The following RAB5A variants were observed in gnomAD, a reference collection of about 807,000 sequenced individuals.
The protein encoded by RAB5A is RAB5A, member RAS oncogene family, also known as ras-related protein Rab-5A.
RAB5A carries 8 observed loss-of-function variants against 25.7 expected under a neutral mutation model. That is an observed-to-expected ratio of 0.31 (90% CI 0.18 to 0.56). The LOEUF (loss-of-function observed/expected upper bound fraction) is 0.56, where lower values mean the gene tolerates loss of function less well. Among genes scored for constraint, RAB5A ranks in the 20% least tolerant of loss-of-function variants. The pLI is 0.91. For missense variants in RAB5A, 192 were observed against 259.7 expected (o/e 0.74, Z 1.79); for synonymous variants, 98 against 89.8 (o/e 1.09, Z -0.52).
At chr3:19,980,262 G>A (rs1431614557) in intron 5 of RAB5A, 3 of 152,190 alleles carry the variant, frequency 2.0e-5, no homozygotes, top group South Asian at 2.1e-4. Context: ...AACTCTACCA[G>A]ATGGGCTTTA....
chr3:19,948,744 AT>A (rs11391640), intron 1 of RAB5A, among the ~76,000 whole-genome samples: 100 of 146,638 alleles, frequency 6.8e-4, no homozygotes, highest in African/African-American at 1.7e-3. Flanking sequence ...ATCTTGTTTG[AT>A]TTTTTTTTTT....
rs756454883 is a variant in RAB5A, at chr3:19,976,087, A to G, written c.356A>G (p.Gln119Arg). The G allele has an allele frequency of 3.1e-6, 5 of 1,613,302 alleles. No individual in the cohort carries two copies. Among genetic ancestry groups the G allele is most frequent in the East Asian group, 4.5e-5 (2 of 44,798 alleles). Residue 119 changes from glutamine to arginine, a missense_variant, in exon 4 of 6, where the codon CAG (glutamine) becomes CGG (arginine). Physicochemically the swap from Gln to Arg is conservative, Grantham distance 43. Transcript: ENST00000273047. The part of the protein sequence containing the change: ...ARAKNWVKEL[Q>R]RQASPNIVIA... ...GCAAAAAATTGGGTTAAAGAACTTC[A>G]GAGGCAAGCAAGTCCTAACATTGTA...
chr3:19,969,971 TTTG>T (rs1696721217), intron 2 of RAB5A, among the ~76,000 whole-genome samples: 2 of 150,534 alleles, frequency 1.3e-5, no homozygotes, highest in Admixed American at 1.3e-4. Flanking sequence ...GCCCGGCTAA[TTTG>T]TATTTTTAGT....
At chr3:19,971,197 CAAAAAAAAA>C (rs757289443) in intron 2 of RAB5A, among the ~76,000 whole-genome samples, 1 of 74,784 alleles carries the variant, frequency 1.3e-5, no homozygotes, top group African/African-American at 4.6e-5. Context: ...AACTCCATCT[CAAAAAAAAA>C]AAAAAAAAAC....
In RAB5A at chr3:19,966,207, C is replaced by T. The variant is rs186683306; in HGVS notation, c.164-9394C>T. On this transcript the variant is annotated intron_variant, in intron 2 of 5. Coordinates refer to ENST00000273047, the MANE Select transcript of RAB5A (RefSeq NM_004162.5). ...CTAAACAATAACTACCCCTTCTTCCCGTGTCTGGCAACTACCATTCACCTT... is the reference window on the plus strand; with the variant it reads ...CTAAACAATAACTACCCCTTCTTCCTGTGTCTGGCAACTACCATTCACCTT... 4.2e-4 allele frequency among the ~76,000 whole-genome samples: 64 copies of T among 152,278 alleles called. 2 individuals are homozygous for T. Among genetic ancestry groups the T allele is most frequent in the African/African-American group, 4.8e-5 (2 of 41,554 alleles).
chr3:19,976,261 C>G, intron 4 of RAB5A, 92 bp downstream of exon 4: 1 of 1,350,360 alleles, frequency 7.4e-7, no homozygotes, highest in Non-Finnish European at 1.0e-6. Flanking sequence ...ATGTCAAAAC[C>G]ATGCAAGTAA....
At chr3:19,974,577 A>G (rs1441550467) in intron 2 of RAB5A, among the ~76,000 whole-genome samples, 1 of 152,152 alleles carries the variant, frequency 6.6e-6, no homozygotes, top group African/African-American at 2.4e-5. Flanking sequence ...AATCTAGGTT[A>G]AGGTAATAAT....
chr3:19,970,514 CTTTG>C (rs1328261892), intron 2 of RAB5A: 3 of 456,512 alleles, frequency 6.6e-6, no homozygotes, highest in African/African-American at 2.0e-5. Flanking sequence ...CTCAACGCAG[CTTTG>C]TTTTTCTCTA....
chr3:19,978,571 C>G (rs948230672), intron 5 of RAB5A, 168 bp downstream of exon 5: 11 of 538,684 alleles, frequency 2.0e-5, no homozygotes, highest in African/African-American at 1.9e-4. Flanking sequence ...TAAGTCCCTT[C>G]CACAAAACAA....
At chr3:19,977,774 T>C (rs1466284351) in intron 4 of RAB5A, among the ~76,000 whole-genome samples, 1 of 152,206 alleles carries the variant, frequency 6.6e-6, no homozygotes, top group Non-Finnish European at 1.5e-5. Context: ...TAATAATATA[T>C]GTAAACTGTA....
intron 5 of RAB5A, among the ~76,000 whole-genome samples, chr3:19,981,642 A>G (rs113406029): frequency 6.6e-6 from 1 of 151,918 alleles, no homozygotes; most frequent in African/African-American, 2.4e-5. Flanking sequence ...AATCAAAAAC[A>G]TACAACTTAG....
intron 2 of RAB5A, among the ~76,000 whole-genome samples, chr3:19,952,672 T>C (rs999744216): frequency 2.6e-5 from 4 of 152,234 alleles, no homozygotes; most frequent in Non-Finnish European, 5.9e-5. Flanking sequence ...TCAGAAAGCA[T>C]CATGGAGCTT....
intron 2 of RAB5A, among the ~76,000 whole-genome samples, chr3:19,953,564 C>G (rs570818914): frequency 6.6e-6 from 1 of 152,148 alleles, no homozygotes; most frequent in South Asian, 2.1e-4. Flanking sequence ...CAAGCCACCA[C>G]TCCTGGCCAA....
At chr3:19,965,717 G>C (rs367817583) in intron 2 of RAB5A, among the ~76,000 whole-genome samples, 5 of 152,172 alleles carry the variant, frequency 3.3e-5, no homozygotes, top group African/African-American at 1.2e-4. Context: ...GTTGCTCATA[G>C]ATTTTTATAT....
At chr3:19,955,620 G>A (rs1380411813) in intron 2 of RAB5A, among the ~76,000 whole-genome samples, 1 of 152,112 alleles carries the variant, frequency 6.6e-6, no homozygotes, top group Non-Finnish European at 1.5e-5. Context: ...TTGACTGGGC[G>A]CGGTAGCTCA....
chr3:19,948,678 G>A (rs1027583542), intron 1 of RAB5A, among the ~76,000 whole-genome samples: 2 of 151,958 alleles, frequency 1.3e-5, no homozygotes, highest in Non-Finnish European at 2.9e-5. Flanking sequence ...GAGATCCTTA[G>A]GGGGAGTAGC....
At chr3:19,977,763 G>A (rs901565427) in intron 4 of RAB5A, among the ~76,000 whole-genome samples, 12 of 152,158 alleles carry the variant, frequency 7.9e-5, no homozygotes, top group African/African-American at 1.4e-4. Flanking sequence ...AGGATCAAAA[G>A]TAATAATATA....
At chr3:19,951,743 TCCAGG>T in intron 2 of RAB5A, among the ~76,000 whole-genome samples, 1 of 140,316 alleles carries the variant, frequency 7.1e-6, no homozygotes, top group Non-Finnish European at 1.5e-5. Context: ...TCGCTGTGTT[TCCAGG>T]TTGGTCTTGA....
chr3:19,957,837 T>C (rs770831821), intron 2 of RAB5A, among the ~76,000 whole-genome samples: 1 of 152,340 alleles, frequency 6.6e-6, no homozygotes, highest in African/African-American at 2.4e-5. Flanking sequence ...AATATACATA[T>C]GTATATATTG....
Sources: gnomAD v4.1 joint callset for allele counts (sites outside exome capture counted in the v4.1 genomes callset) on GRCh38, gnomAD v4.1.1 for gene constraint, MANE v1.5 for transcripts, NCBI Gene and HGNC (gene_info 2026-07-23, HGNC 2026-07-21) for gene names.